Variants in PCDHGA11 observed in about 807,000 individuals in gnomAD.
The protein encoded by PCDHGA11 is protocadherin gamma subfamily A, 11.
A neutral mutation model predicts 60.4 loss-of-function variants in PCDHGA11; 39 were observed. The observed-to-expected ratio is 0.65, with a 90% CI of 0.50 to 0.84. PCDHGA11 has a LOEUF of 0.84. Ranked by LOEUF, PCDHGA11 falls within the 40% of genes least tolerant of loss-of-function variation. The pLI is 0.00. For synonymous variants in PCDHGA11, 533 were observed against 510.3 expected (o/e 1.04, Z -0.60); for missense variants, 1,165 against 1,197.7 (o/e 0.97, Z 0.40).
Position 141,476,559 on chromosome 5 carries a change from T to C in PCDHGA11, c.2434-18248T>C. The stretch of plus-strand genomic sequence containing the variant: ...ATGAAATTGGAGATTAGCGAGGCCG[T>C]GGCTCCGGGGACGCGCTTTCCGCTC... On this transcript the variant is annotated intron_variant, in intron 1 of 3. Coordinates refer to ENST00000398587, the MANE Select transcript of PCDHGA11 (RefSeq NM_018914.3). This position sits in a 1 kb window ranked among gnomAD's most constrained non-coding sequence, Gnocchi z 7.6. 4 of 1,614,228 alleles carry C rather than the reference T, an allele frequency of 2.5e-6. No homozygotes were observed. Among genetic ancestry groups the C allele is most frequent in the Non-Finnish European group, 3.4e-6 (4 of 1,180,036 alleles).
chr5:141,467,042 G>T (rs2099134710), intron 1 of PCDHGA11, among the ~76,000 whole-genome samples: 1 of 149,884 alleles, frequency 6.7e-6, no homozygotes. Context: ...TTTGTGTAAT[G>T]AATCAATGTT....
intron 1 of PCDHGA11, among the ~76,000 whole-genome samples, chr5:141,425,482 C>T (rs1257043728): frequency 6.6e-6 from 1 of 152,192 alleles, no homozygotes; most frequent in Non-Finnish European, 1.5e-5. Context: ...CCTATGGCAA[C>T]CTACTAGGCT....
At chr5:141,494,365 C>A (rs193174055) in intron 1 of PCDHGA11, among the ~76,000 whole-genome samples, 20 of 152,290 alleles carry the variant, frequency 1.3e-4, no homozygotes, top group Non-Finnish European at 2.2e-4. Context: ...GCAGAGGATG[C>A]TTTGTTCCCA....
chr5:141,489,293 T>G lies in PCDHGA11; in HGVS notation c.2434-5514T>G. The G allele has an allele frequency of 6.3e-7, 1 of 1,579,940 alleles. No homozygotes were observed. Among genetic ancestry groups the G allele is most frequent in the Non-Finnish European group, 8.6e-7 (1 of 1,162,928 alleles). ...GCTGGGAAATGGCAAGTGCTGTGCA[T>G]GTTGTCCTTGTGCTGCTGGGGCTGG... On this transcript the variant is annotated intron_variant, in intron 1 of 3. Transcript: ENST00000398587. This position sits in a 1 kb window ranked among gnomAD's most constrained non-coding sequence, Gnocchi z 4.5.
At chr5:141,474,241 G>A (rs1367530484) in intron 1 of PCDHGA11, among the ~76,000 whole-genome samples, 8 of 151,928 alleles carry the variant, frequency 5.3e-5, no homozygotes, top group East Asian at 1.9e-4. Context: ...TGCTGAATAG[G>A]GGAAAAAAAG....
chr5:141,487,348 C>T lies in PCDHGA11; in HGVS notation c.2434-7459C>T, dbSNP rs929693998. ...GTGGGGCAGCCTGTGGAGTCACATG[C>T]TTTCCTGCTGGCACCTGTGCCTGTC... On this transcript the variant is annotated intron_variant, in intron 1 of 3. Coordinates refer to ENST00000398587, the MANE Select transcript of PCDHGA11 (RefSeq NM_018914.3). The surrounding 1 kb of genome is among the most constrained non-coding windows in gnomAD (Gnocchi z 5.0). The T allele has an allele frequency of 2.5e-6, 4 of 1,614,080 alleles. No homozygotes were observed. The highest frequency in any genetic ancestry group is 2.2e-5 in the East Asian group (1 of 44,882).
chr5:141,503,075 G>A (rs1373753092), intron 2 of PCDHGA11, among the ~76,000 whole-genome samples: 1 of 151,438 alleles, frequency 6.6e-6, no homozygotes, highest in African/African-American at 2.4e-5. Context: ...GAATGGTCTC[G>A]ATCTCCTGAC....
At chr5:141,470,599 C>T (rs967683467) in intron 1 of PCDHGA11, among the ~76,000 whole-genome samples, 12 of 152,194 alleles carry the variant, frequency 7.9e-5, no homozygotes, top group Non-Finnish European at 1.2e-4. Context: ...GCGACCTGTG[C>T]GGGGACACAG....
chr5:141,501,442 T>C (rs1202229661), intron 2 of PCDHGA11, among the ~76,000 whole-genome samples: 1 of 152,016 alleles, frequency 6.6e-6, no homozygotes, highest in African/African-American at 2.4e-5. Context: ...ATTTCTTCCA[T>C]TTTTACTTTT....
Position 141,423,488 on chromosome 5 carries a change from ATTC to A in PCDHGA11, c.2262_2264del (p.Ser755del). The A allele has an allele frequency of 6.2e-7, 1 of 1,613,954 alleles. No individual in the cohort carries two copies. Among genetic ancestry groups the A allele is most frequent in the Non-Finnish European group, 8.5e-7 (1 of 1,179,912 alleles). Reference sequence around the variant, plus strand: ...GGGGTACAGGCTTTCCTGCAAACCTATTCCCACGAGGTCTCTCTCATTGCGGAC... The same window carrying A: ...GGGGTACAGGCTTTCCTGCAAACCTACCACGAGGTCTCTCTCATTGCGGAC... On this transcript the variant is annotated inframe_deletion, in exon 1 of 4. Transcript: ENST00000398587.
rs756706355 is a variant in PCDHGA11 at position 141,486,950 on chromosome 5, G to C, written c.2434-7857G>C. 6.2e-7 allele frequency: 1 copy of C among 1,614,202 alleles called. No homozygotes were observed. Among genetic ancestry groups the C allele is most frequent in the East Asian group, 2.2e-5 (1 of 44,876 alleles). On this transcript the variant is annotated intron_variant, in intron 1 of 3. Coordinates refer to ENST00000398587, the MANE Select transcript of PCDHGA11 (RefSeq NM_018914.3). The surrounding 1 kb of genome is among the most constrained non-coding windows in gnomAD (Gnocchi z 5.0). ...TGGTGCTGGCCACCTAATCACAAAG[G>C]TGACTGCTGTGGACTTGGATTCAGG...
intron 1 of PCDHGA11, among the ~76,000 whole-genome samples, chr5:141,429,890 C>A (rs2097251428): frequency 6.6e-6 from 1 of 152,112 alleles, no homozygotes; most frequent in African/African-American, 2.4e-5. Context: ...GTTTCCTGAA[C>A]AATAAATATT....
At chr5:141,506,680 A>G (rs949777571) in intron 3 of PCDHGA11, among the ~76,000 whole-genome samples, 1 of 152,212 alleles carries the variant, frequency 6.6e-6, no homozygotes, top group Non-Finnish European at 1.5e-5. Context: ...ATATATTATT[A>G]TCTTTGCTGA....
chr5:141,429,960 A>C (rs981722031), intron 1 of PCDHGA11, among the ~76,000 whole-genome samples: 2 of 152,244 alleles, frequency 1.3e-5, no homozygotes, highest in African/African-American at 4.8e-5. Flanking sequence ...AGTCAATGCA[A>C]GTTGGAATGC....
At chr5:141,475,684 T>C (rs2099367059) in intron 1 of PCDHGA11, among the ~76,000 whole-genome samples, 1 of 152,228 alleles carries the variant, frequency 6.6e-6, no homozygotes, top group African/African-American at 2.4e-5. Context: ...TTGATTTGGA[T>C]TGGAGACTTG....
Position 141,485,092 on chromosome 5 carries a change from G to C in PCDHGA11, c.2434-9715G>C, listed in dbSNP as rs2099606725. 3.8e-6 allele frequency: 4 copies of C among 1,065,492 alleles called. No homozygotes were observed. Among genetic ancestry groups the C allele is most frequent in the Non-Finnish European group, 5.6e-6 (4 of 708,358 alleles). The allele number at this position is 1,065,492 out of a possible 1,614,324, so 66.0% of individuals were successfully genotyped here. A position where few individuals can be genotyped will look rare whatever the true frequency, so the allele number is the denominator to read the frequency against. Reference sequence around the variant, plus strand: ...CTGGCGCGGGGAAAGGGAGATAGGTGTCTCCAGCTGCTGTGGCTGTTTGGG... The same window carrying C: ...CTGGCGCGGGGAAAGGGAGATAGGTCTCTCCAGCTGCTGTGGCTGTTTGGG... On this transcript the variant is annotated intron_variant, in intron 1 of 3. Coordinates refer to ENST00000398587, the MANE Select transcript of PCDHGA11 (RefSeq NM_018914.3). This position sits in a 1 kb window ranked among gnomAD's most constrained non-coding sequence, Gnocchi z 5.7.
chr5:141,452,587 A>G (rs1171400700), intron 1 of PCDHGA11, among the ~76,000 whole-genome samples: 1 of 151,948 alleles, frequency 6.6e-6, no homozygotes, highest in Non-Finnish European at 1.5e-5. Context: ...CCATCTTTGT[A>G]TTTTTATTTT....
intron 1 of PCDHGA11, among the ~76,000 whole-genome samples, chr5:141,445,489 G>A (rs934531418): frequency 7.2e-5 from 11 of 152,188 alleles, no homozygotes; most frequent in Non-Finnish European, 1.3e-4. Context: ...GAGTTAATGG[G>A]CCCTATTCTA....
Position 141,423,071 on chromosome 5 carries a change from C to T in PCDHGA11, c.1844C>T (p.Pro615Leu). 2 of 1,614,120 alleles carry T rather than the reference C, an allele frequency of 1.2e-6. No homozygotes were observed. The highest frequency in any genetic ancestry group is 1.1e-5 in the South Asian group (1 of 91,080). Residue 615 changes from proline (P) to leucine (L), a missense_variant, in exon 1 of 4, where the codon CCG becomes CTG. Coordinates refer to ENST00000398587, the MANE Select transcript of PCDHGA11 (RefSeq NM_018914.3). Reference protein sequence around the residue: ...LSYRLLKASEPGLFAVGEHTG... With the variant: ...LSYRLLKASELGLFAVGEHTG... ...TATCGCCTGCTTAAGGCCAGCGAGC[C>T]GGGACTCTTCGCGGTGGGGGAGCAC...
Sources: gnomAD v4.1 joint callset for allele counts (sites outside exome capture counted in the v4.1 genomes callset) on GRCh38, gnomAD v4.1.1 for gene constraint, Gnocchi (gnomAD v3.1) non-coding constraint, MANE v1.5 for transcripts, NCBI Gene and HGNC (gene_info 2026-07-23, HGNC 2026-07-21) for gene names.